The following DTNA variants were observed in gnomAD, a reference collection of about 807,000 sequenced individuals.
DTNA encodes the protein dystrobrevin alpha.
Under a neutral mutation model 100.7 loss-of-function variants are expected in DTNA, and 43 were observed. The observed-to-expected ratio is 0.43, with a 90% CI of 0.33 to 0.55. DTNA has a LOEUF of 0.55. Ranked by LOEUF, DTNA falls within the 20% of genes least tolerant of loss-of-function variation. The pLI is 0.04. For missense variants in DTNA, 798 were observed against 953.9 expected, an observed-to-expected ratio of 0.84 and a Z score of 2.15; for synonymous variants, 349 against 347.9, an observed-to-expected ratio of 1.00 and a Z score of -0.04.
chr18:34,638,413 T>G (rs2058887724), intron 1 of DTNA, among the ~76,000 whole-genome samples: 1 of 152,238 alleles, frequency 6.6e-6, no homozygotes, highest in African/African-American at 2.4e-5. Flanking sequence ...TTTAACTAAT[T>G]TACCTGTCTG....
At chr18:34,810,755 CTGA>C (rs1487059690) in intron 5 of DTNA, among the ~76,000 whole-genome samples, 9 of 152,126 alleles carry the variant, frequency 5.9e-5, no homozygotes, top group Admixed American at 5.9e-4. Flanking sequence ...GCCCATTATC[CTGA>C]TGTGATCATT....
At chr18:34,796,195 T>G (rs912140962) in intron 4 of DTNA, among the ~76,000 whole-genome samples, 1 of 152,246 alleles carries the variant, frequency 6.6e-6, no homozygotes, top group East Asian at 1.9e-4. Flanking sequence ...CTGCGTTTGC[T>G]CCTTCAGCGT....
intron 1 of DTNA, among the ~76,000 whole-genome samples, chr18:34,564,527 C>T (rs2046924253): frequency 2.0e-5 from 3 of 152,138 alleles, no homozygotes; most frequent in African/African-American, 7.2e-5. Flanking sequence ...AAAAGAAACT[C>T]TACTGGGAGC....
At chr18:34,857,735 T>C (rs1621251) in intron 15 of DTNA, among the ~76,000 whole-genome samples, 2 of 152,230 alleles carry the variant, frequency 1.3e-5, no homozygotes, top group Admixed American at 1.3e-4. Flanking sequence ...GAAAGAATTT[T>C]GTCTAACTGG....
At chr18:34,712,073 G>T (rs1457222325) in intron 1 of DTNA, among the ~76,000 whole-genome samples, 1 of 151,920 alleles carries the variant, frequency 6.6e-6, no homozygotes, top group Non-Finnish European at 1.5e-5. Flanking sequence ...TCTAAAGTAT[G>T]AAATTATTGA....
intron 1 of DTNA, among the ~76,000 whole-genome samples, chr18:34,654,701 G>A (rs975857055): frequency 6.6e-6 from 1 of 152,004 alleles, no homozygotes; most frequent in African/African-American, 2.4e-5. Flanking sequence ...CTATGTATGT[G>A]TTTAGAAAGT....
intron 1 of DTNA, among the ~76,000 whole-genome samples, chr18:34,556,949 G>C (rs7234599): frequency 2.2e-5 from 3 of 135,750 alleles, no homozygotes; most frequent in Non-Finnish European, 4.8e-5. Context: ...TCTCCTGGAT[G>C]ATATCCTGCA....
intron 1 of DTNA, among the ~76,000 whole-genome samples, chr18:34,574,748 C>T: frequency 6.6e-6 from 1 of 152,310 alleles, no homozygotes; most frequent in East Asian, 1.9e-4. Flanking sequence ...CCTCCCACCT[C>T]TACCTCCCAA....
At chr18:34,503,390 C>T (rs928848518) in intron 1 of DTNA, among the ~76,000 whole-genome samples, 7 of 149,144 alleles carry the variant, frequency 4.7e-5, no homozygotes, top group Non-Finnish European at 1.0e-4. Context: ...CAGGTTCATG[C>T]CATTCTCCAG....
intron 1 of DTNA, among the ~76,000 whole-genome samples, chr18:34,733,950 T>C (rs1344847395): frequency 6.6e-6 from 1 of 152,214 alleles, no homozygotes; most frequent in Non-Finnish European, 1.5e-5. Flanking sequence ...ATTAATAAAT[T>C]CAGCCTGATC....
At chr18:34,542,648 G>A (rs2044356885) in intron 1 of DTNA, among the ~76,000 whole-genome samples, 2 of 151,452 alleles carry the variant, frequency 1.3e-5, no homozygotes, top group African/African-American at 2.4e-5. Context: ...ACTAGAGACT[G>A]TGGAAGTTGT....
chr18:34,677,423 G>T (rs978706400), intron 1 of DTNA, among the ~76,000 whole-genome samples: 4 of 151,044 alleles, frequency 2.6e-5, no homozygotes, highest in African/African-American at 9.7e-5. Context: ...ACAACCAGCA[G>T]CCAAATCCTA....
intron 1 of DTNA, chr18:34,513,881 A>G (rs1322110327): frequency 2.6e-5 from 4 of 152,106 alleles, no homozygotes; most frequent in Admixed American, 6.6e-5. Context: ...CCCTACTTCA[A>G]ATCTCTTCAA....
intron 1 of DTNA, among the ~76,000 whole-genome samples, chr18:34,546,764 T>C (rs2044824101): frequency 6.8e-6 from 1 of 147,970 alleles, no homozygotes; most frequent in Admixed American, 6.7e-5. Flanking sequence ...TCTTTCTTTC[T>C]TTTTTTTTTA....
At chr18:34,734,095 C>T (rs2088983162) in intron 1 of DTNA, among the ~76,000 whole-genome samples, 1 of 152,174 alleles carries the variant, frequency 6.6e-6, no homozygotes, top group African/African-American at 2.4e-5. Flanking sequence ...TCATGGGTCA[C>T]ACTCTCAACC....
chr18:34,718,809 T>A (rs887472632), intron 1 of DTNA, among the ~76,000 whole-genome samples: 2 of 152,116 alleles, frequency 1.3e-5, no homozygotes, highest in African/African-American at 4.8e-5. Flanking sequence ...TAGCAGCCAT[T>A]TGGGCAATGT....
intron 17 of DTNA, among the ~76,000 whole-genome samples, chr18:34,869,563 A>G (rs996384655): frequency 6.6e-6 from 1 of 152,244 alleles, no homozygotes; most frequent in Non-Finnish European, 1.5e-5. Flanking sequence ...GGCTTTCGCC[A>G]TAATTTGAGT....
intron 1 of DTNA, among the ~76,000 whole-genome samples, chr18:34,569,749 T>G (rs1220095194): frequency 6.6e-6 from 1 of 152,184 alleles, no homozygotes; most frequent in Non-Finnish European, 1.5e-5. Context: ...GCTGAATTCC[T>G]TCTTGGTTGG....
chr18:34,769,753 C>CTTTTTTTTTTTTT (rs1568462894), intron 3 of DTNA, among the ~76,000 whole-genome samples: 15 of 33,196 alleles, frequency 4.5e-4, no homozygotes, highest in South Asian at 2.4e-3. Context: ...CAGAGTTTCA[C>CTTTTTTTTTTTTT]TCTTTTTTCC....
Sources: allele counts gnomAD v4.1 joint callset (sites outside exome capture counted in the v4.1 genomes callset), GRCh38; gene constraint gnomAD v4.1.1; transcripts MANE v1.5; gene names NCBI Gene and HGNC (gene_info 2026-07-23, HGNC 2026-07-21).